SLC30A5: variants seen among roughly 807,000 people sequenced by gnomAD.
SLC30A5 encodes the protein solute carrier family 30 member 5, also known as proton-coupled zinc antiporter SLC30A5.
A neutral mutation model predicts 79.6 loss-of-function variants in SLC30A5; 33 were observed. The ratio of observed to expected loss-of-function variants is 0.41; its 90% CI spans 0.31 to 0.55. SLC30A5 has a LOEUF of 0.55. SLC30A5 is among the 20% of genes least tolerant of loss of function. SLC30A5 has a pLI of 0.20. For synonymous variants in SLC30A5, 299 were observed against 319.7 expected (o/e 0.94, Z 0.69); for missense variants, 788 against 928.1 (o/e 0.85, Z 1.96).
At chr5:69,127,980 TA>T (rs1402937725) in intron 14 of SLC30A5, 23 bp from the exon 15 acceptor site, 5 of 1,596,562 alleles carry the variant, frequency 3.1e-6, no homozygotes, top group Non-Finnish European at 4.3e-6. Context: ...TATGACCATT[TA>T]TATCACCTCT....
chr5:69,105,652 C>G (rs553468747), intron 4 of SLC30A5, among the ~76,000 whole-genome samples: 1 of 145,818 alleles, frequency 6.9e-6, no homozygotes, highest in Non-Finnish European at 1.5e-5. Flanking sequence ...AGCGAGACTC[C>G]GTCTCAAAAA....
chr5:69,099,031 C>G (rs1229046090), intron 1 of SLC30A5, among the ~76,000 whole-genome samples: 1 of 152,154 alleles, frequency 6.6e-6, no homozygotes, highest in Admixed American at 6.5e-5. Flanking sequence ...AACCTGGAAT[C>G]CATCAAAATT....
At chr5:69,122,314 T>A (rs1277889025) in intron 13 of SLC30A5, among the ~76,000 whole-genome samples, 2 of 152,150 alleles carry the variant, frequency 1.3e-5, no homozygotes, top group Non-Finnish European at 2.9e-5. Context: ...GAAGAATCGC[T>A]TACAGGTGTG....
intron 13 of SLC30A5, 96 bp downstream of exon 13, chr5:69,121,991 T>C (rs1452778142): frequency 1.1e-5 from 11 of 1,011,952 alleles, no homozygotes; most frequent in South Asian, 3.4e-5. Flanking sequence ...TGGTATGATA[T>C]GATTTTTAAA....
chr5:69,104,764 TGAA>T, intron 4 of SLC30A5, 48 bp downstream of exon 4: 2 of 1,555,960 alleles, frequency 1.3e-6, no homozygotes, highest in South Asian at 1.2e-5. Flanking sequence ...TTCTTCATTT[TGAA>T]TATTATTTTT....
At position 69,121,784 on chromosome 5, in the gene SLC30A5, A is replaced by G. The variant is rs35242104; in HGVS notation, c.1660A>G (p.Ser554Gly). 7.8e-4 allele frequency: 1,254 copies of G among 1,612,242 alleles called. 14 individuals are homozygous for G. The African/African-American group carries it at 0.014, about 18-fold the overall frequency. The change falls in exon 13 of 16, where the codon AGC (serine) becomes GGC (glycine). Residue 554 changes from serine to glycine, a missense_variant. This residue lies in a region of SLC30A5 where 626 missense variants were observed against 755.5 expected (regional missense o/e 0.83). Transcript: ENST00000396591. Reference sequence around the variant, plus strand: ...CCATGCCCATGGAGCTTCTCAAGGAAGCTGTCACTCATCTGATCACAGCCA... The same window carrying G: ...CCATGCCCATGGAGCTTCTCAAGGAGGCTGTCACTCATCTGATCACAGCCA... ...HSHAHGASQG[S>G]CHSSDHSHSH...
intron 8 of SLC30A5, 62 bp downstream of exon 8, chr5:69,115,469 T>C (rs999958902): frequency 4.5e-5 from 60 of 1,347,744 alleles, no homozygotes; most frequent in Non-Finnish European, 9.3e-6. Flanking sequence ...GCTATTAAAT[T>C]TTTAGTTCAC....
chr5:69,113,291 T>G, intron 6 of SLC30A5, 64 bp downstream of exon 6: 2 of 1,243,132 alleles, frequency 1.6e-6, no homozygotes, highest in Non-Finnish European at 2.3e-6. Context: ...CCTGGAACAA[T>G]GGAAAAAGAA....
chr5:69,105,630 G>T (rs1363819687), intron 4 of SLC30A5, among the ~76,000 whole-genome samples: 3 of 151,908 alleles, frequency 2.0e-5, no homozygotes, highest in African/African-American at 4.8e-5. Flanking sequence ...TGCACTGCAG[G>T]CTGGGCAACA....
At chr5:69,113,321 G>A in intron 6 of SLC30A5, 94 bp downstream of exon 6, 1 of 814,214 alleles carries the variant, frequency 1.2e-6, no homozygotes. Context: ...GAATTAAACT[G>A]ATCAATGATG....
At chr5:69,102,050 CTTTTTTTT>C (rs758327246) in intron 2 of SLC30A5, among the ~76,000 whole-genome samples, 4 of 99,388 alleles carry the variant, frequency 4.0e-5, no homozygotes, top group Non-Finnish European at 5.7e-5. Flanking sequence ...CAGTGACGTG[CTTTTTTTT>C]TTTTTTTTTT....
intron 13 of SLC30A5, 50 bp downstream of exon 13, chr5:69,121,945 A>G (rs760232707): frequency 1.0e-5 from 15 of 1,440,852 alleles, no homozygotes; most frequent in Non-Finnish European, 1.2e-5. Context: ...TTCTAAATCA[A>G]CCCTCTGTGT....
chr5:69,098,017 T>A (rs1215279236), intron 1 of SLC30A5, among the ~76,000 whole-genome samples: 1 of 152,020 alleles, frequency 6.6e-6, no homozygotes, highest in Admixed American at 6.6e-5. Context: ...GGCTAATTTT[T>A]AAAAACTTTT....
intron 6 of SLC30A5, among the ~76,000 whole-genome samples, 173 bp from the exon 7 acceptor site, chr5:69,114,247 T>C (rs1329270154): frequency 6.6e-6 from 1 of 152,226 alleles, no homozygotes; most frequent in Non-Finnish European, 1.5e-5. Flanking sequence ...AAATGTTAGA[T>C]TGTTTTATTT....
chr5:69,118,732 T>G, intron 12 of SLC30A5, 104 bp downstream of exon 12: 1 of 901,082 alleles, frequency 1.1e-6, no homozygotes, highest in Non-Finnish European at 1.6e-6. Flanking sequence ...AAGGTTTTAT[T>G]TTTTACTTAT....
intron 14 of SLC30A5, among the ~76,000 whole-genome samples, chr5:69,125,541 A>C (rs59769146): frequency 0.094 from 13,632 of 144,342 alleles, 686 homozygotes; most frequent in African/African-American, 0.13. Context: ...CCCACACACA[A>C]AAAAAAAAAT....
Position 69,129,797 on chromosome 5 carries a change from A to C in SLC30A5, c.*180A>C, listed in dbSNP as rs1746803275. The C allele has an allele frequency of 1.5e-5, 7 of 472,300 alleles. No homozygotes were observed. The highest frequency in any genetic ancestry group is 4.0e-5 in the Admixed American group (1 of 25,264). The allele number at this position is 472,300 out of a possible 1,614,324, so 29.3% of individuals were successfully genotyped here. ...TACAGAATGAAACATTAATGGTAAA[A>C]GTGGAGTAATTATTTAAATTATGTG... On this transcript the variant is annotated 3_prime_UTR_variant, in exon 16 of 16. Coordinates refer to ENST00000396591, the MANE Select transcript of SLC30A5 (RefSeq NM_022902.5).
Position 69,094,090 on chromosome 5 carries a change from A to C in SLC30A5, c.-166A>C. On this transcript the variant is annotated 5_prime_UTR_variant, in exon 1 of 16. Transcript: ENST00000396591. ...GGCCTAGTCCCGACGCGTGTGTGCT[A>C]GTGAGCCGGAGCCGGCGACGGCGGC... 1 of 405,428 alleles carries C rather than the reference A, an allele frequency of 2.5e-6. No homozygotes were observed. 25.1% of individuals were successfully genotyped at this position (405,428 alleles called of 1,614,324 possible).
At position 69,116,063 on chromosome 5, in the gene SLC30A5, T is replaced by A. The variant is rs770171086; in HGVS notation, c.921T>A (p.Phe307Leu). 1.9e-6 allele frequency: 3 copies of A among 1,614,186 alleles called. No homozygotes were observed. The South Asian group carries it at 3.3e-5, about 18-fold the overall frequency. The change falls in exon 9 of 16, where the codon TTT becomes TTA. Residue 307 changes from phenylalanine (F) to leucine (L), a missense_variant. Phe to Leu is a conservative substitution (Grantham distance 22). Around this residue, in one of 3 missense-constraint regions of SLC30A5, gnomAD observed 626 missense variants for 755.5 expected, o/e 0.83. Coordinates refer to ENST00000396591, the MANE Select transcript of SLC30A5 (RefSeq NM_022902.5). This position sits in a 1 kb window ranked among gnomAD's most constrained non-coding sequence, Gnocchi z 4.0. ...CCAAATGTGCTCGTTATGGATCCTT[T>A]CCCATTTTTATTAGTGCTCTCCTTT... The part of the protein sequence containing the change: ...EVSKCARYGS[F>L]PIFISALLFG...
Sources: gnomAD v4.1 joint callset for allele counts (sites outside exome capture counted in the v4.1 genomes callset) on GRCh38, gnomAD v4.1.1 for gene constraint, gnomAD v4.1.1 regional missense constraint, Gnocchi (gnomAD v3.1) non-coding constraint, MANE v1.5 for transcripts, NCBI Gene and HGNC (gene_info 2026-07-23, HGNC 2026-07-21) for gene names.